Variants in ANO3 observed in about 807,000 individuals in gnomAD.
ANO3 encodes anoctamin 3, also known as anoctamin-3.
Under a neutral mutation model 144.8 loss-of-function variants are expected in ANO3, and 99 were observed. That is an observed-to-expected ratio of 0.68 (90% CI 0.58 to 0.81). The LOEUF is 0.81. Among genes scored for constraint, ANO3 ranks in the 30% least tolerant of loss-of-function variants. ANO3 has a pLI of 0.00. For synonymous variants in ANO3, 414 were observed against 392.6 expected (o/e 1.05, Z -0.64); for missense variants, 905 against 1,202.2 (o/e 0.75, Z 3.66).
chr11:26,357,274 A>G (rs1441537909), intron 1 of ANO3, among the ~76,000 whole-genome samples: 1 of 152,180 alleles, frequency 6.6e-6, no homozygotes, highest in Non-Finnish European at 1.5e-5. Context: ...TTCTAGGTGT[A>G]TGATTAACTT....
chr11:26,536,897 AC>A (rs1230136957), intron 9 of ANO3, among the ~76,000 whole-genome samples: 134 of 152,000 alleles, frequency 8.8e-4, no homozygotes, highest in Non-Finnish European at 1.7e-3. Context: ...ATTTCACTCT[AC>A]CCTCATTGAG....
At chr11:26,220,086 G>A (rs1230643136) in intron 1 of ANO3, among the ~76,000 whole-genome samples, 1 of 152,218 alleles carries the variant, frequency 6.6e-6, no homozygotes, top group African/African-American at 2.4e-5. Flanking sequence ...GGTCAGCTAA[G>A]GTAATCTATG....
At chr11:26,329,816 T>C (rs1590264891), upstream of ANO3, among the ~76,000 whole-genome samples, 1 of 128,710 alleles carries the variant, frequency 7.8e-6, no homozygotes, top group South Asian at 2.2e-4. Flanking sequence ...ACTTAAATTT[T>C]TTTTTTTTTT....
chr11:26,601,375 G>T (rs1487987909), intron 17 of ANO3, among the ~76,000 whole-genome samples: 1 of 152,150 alleles, frequency 6.6e-6, no homozygotes, highest in Non-Finnish European at 1.5e-5. Context: ...AGTTATAAAT[G>T]AGTACTCATT....
At chr11:26,469,145 C>G (rs145759853) in intron 4 of ANO3, among the ~76,000 whole-genome samples, 183 of 152,024 alleles carry the variant, frequency 1.2e-3, no homozygotes, top group African/African-American at 4.3e-3. Flanking sequence ...AAAGGAATCT[C>G]CCTTCCTTGT....
chr11:26,600,073 A>G (rs1046052574), intron 17 of ANO3, among the ~76,000 whole-genome samples: 7 of 152,166 alleles, frequency 4.6e-5, no homozygotes, highest in African/African-American at 1.7e-4. Context: ...ACTCCATTTT[A>G]TGGGAAAACT....
At chr11:26,493,150 T>G (rs1264876272) in intron 4 of ANO3, among the ~76,000 whole-genome samples, 1 of 152,214 alleles carries the variant, frequency 6.6e-6, no homozygotes, top group Non-Finnish European at 1.5e-5. Context: ...GAATAGGCAT[T>G]CAAAAATTAT....
intron 1 of ANO3, among the ~76,000 whole-genome samples, chr11:26,412,773 C>A (rs1235118394): frequency 1.5e-5 from 2 of 132,820 alleles, no homozygotes; most frequent in Non-Finnish European, 3.3e-5. Flanking sequence ...AAGAAAGCCA[C>A]TTTTAAGGGC....
At chr11:26,278,757 C>T (rs1356659697) in intron 1 of ANO3, among the ~76,000 whole-genome samples, 1 of 152,036 alleles carries the variant, frequency 6.6e-6, no homozygotes, top group Non-Finnish European at 1.5e-5. Flanking sequence ...ATCACCTTCC[C>T]ACCTCTCTAT....
chr11:26,321,223 C>T (rs992597029), intron 1 of ANO3, among the ~76,000 whole-genome samples: 1 of 151,966 alleles, frequency 6.6e-6, no homozygotes, highest in Non-Finnish European at 1.5e-5. Flanking sequence ...AAAAGGAAAT[C>T]TTGAGTATTT....
At chr11:26,401,247 C>T (rs936484361) in intron 1 of ANO3, among the ~76,000 whole-genome samples, 1 of 151,902 alleles carries the variant, frequency 6.6e-6, no homozygotes, top group African/African-American at 2.4e-5. Flanking sequence ...ATTGGGCATC[C>T]CCTGATTCTG....
intron 24 of ANO3, among the ~76,000 whole-genome samples, chr11:26,653,386 T>A (rs1398169932): frequency 1.3e-5 from 2 of 152,008 alleles, no homozygotes; most frequent in African/African-American, 4.8e-5. Flanking sequence ...CTGGAAAACA[T>A]GTTGACCCTG....
chr11:26,410,567 T>A (rs1030708867), intron 1 of ANO3, among the ~76,000 whole-genome samples: 2 of 151,932 alleles, frequency 1.3e-5, no homozygotes, highest in African/African-American at 4.8e-5. Flanking sequence ...CCCAAAACAA[T>A]TGTAGAAACA....
intron 1 of ANO3, among the ~76,000 whole-genome samples, chr11:26,363,921 T>C (rs1855994474): frequency 6.6e-6 from 1 of 152,150 alleles, no homozygotes; most frequent in Non-Finnish European, 1.5e-5. Flanking sequence ...GATTGTCTTT[T>C]CAAAGTTTTT....
chr11:26,401,933 G>A (rs1020841596), intron 1 of ANO3, among the ~76,000 whole-genome samples: 11 of 151,964 alleles, frequency 7.2e-5, no homozygotes, highest in African/African-American at 2.7e-4. Flanking sequence ...GACAGTAACA[G>A]AAAATCTAAT....
At chr11:26,563,230 A>C in intron 14 of ANO3, 1 of 1,610,918 alleles carries the variant, frequency 6.2e-7, no homozygotes, top group Non-Finnish European at 8.5e-7. Context: ...ATAGCACCTA[A>C]AATGGCCCCG....
At chr11:26,408,140 A>C (rs1005427257) in intron 1 of ANO3, among the ~76,000 whole-genome samples, 2 of 152,032 alleles carry the variant, frequency 1.3e-5, no homozygotes, top group Admixed American at 6.6e-5. Flanking sequence ...TAATTAAACT[A>C]AAGAGCTTCT....
chr11:26,431,839 T>C (rs772228246), intron 1 of ANO3, among the ~76,000 whole-genome samples: 3 of 152,218 alleles, frequency 2.0e-5, no homozygotes, highest in African/African-American at 2.4e-5. Context: ...TTGTCTTTGT[T>C]ATTGTGAGCA....
At chr11:26,275,636 G>A (rs1050885291) in intron 1 of ANO3, among the ~76,000 whole-genome samples, 1 of 152,090 alleles carries the variant, frequency 6.6e-6, no homozygotes, top group African/African-American at 2.4e-5. Flanking sequence ...CATACTGTAG[G>A]TCAGAGGTTA....
Sources: gnomAD v4.1 joint callset for allele counts (sites outside exome capture counted in the v4.1 genomes callset) on GRCh38, gnomAD v4.1.1 for gene constraint, MANE v1.5 for transcripts, NCBI Gene and HGNC (gene_info 2026-07-23, HGNC 2026-07-21) for gene names.